The following ST7 variants were observed in gnomAD, a reference collection of about 807,000 sequenced individuals.
The protein encoded by ST7 is suppression of tumorigenicity 7.
A neutral mutation model predicts 78.7 loss-of-function variants in ST7; 28 were observed. The ratio of observed to expected loss-of-function variants is 0.36; its 90% confidence interval spans 0.26 to 0.49. The LOEUF (loss-of-function observed/expected upper bound fraction) is 0.49. Ranked by LOEUF, ST7 falls within the 20% of genes least tolerant of loss-of-function variation. The probability of loss-of-function intolerance (pLI) is 0.99; values close to 1 mark genes in which losing one functional copy is unlikely to be tolerated. For synonymous variants in ST7, 247 were observed against 249.6 expected (o/e 0.99, Z 0.10); for missense variants, 418 against 696.0 (o/e 0.60, Z 4.49).
intron 12 of ST7, among the ~76,000 whole-genome samples, chr7:117,200,615 C>G (rs191926982): frequency 6.6e-6 from 1 of 152,010 alleles, no homozygotes; most frequent in African/African-American, 2.4e-5. Flanking sequence ...CAGAGGGTAC[C>G]GAGGGGAGGA....
At chr7:116,958,748 A>G (rs1792663329) in intron 1 of ST7, 2 of 467,298 alleles carry the variant, frequency 4.3e-6, no homozygotes, top group Admixed American at 2.4e-5. Context: ...ACTATATTGT[A>G]TTATATTAAG....
intron 1 of ST7, among the ~76,000 whole-genome samples, chr7:117,030,637 A>T (rs550594610): frequency 6.6e-6 from 1 of 152,330 alleles, no homozygotes; most frequent in Admixed American, 6.5e-5. Flanking sequence ...CCACAATGAC[A>T]TACCATCTCA....
intron 1 of ST7, among the ~76,000 whole-genome samples, chr7:117,094,302 C>T (rs768136914): frequency 3.3e-5 from 5 of 152,194 alleles, no homozygotes; most frequent in Non-Finnish European, 2.9e-5. Flanking sequence ...AATGGCCTAC[C>T]GCTCTACCCC....
At chr7:116,954,068 T>C (rs1792303603) in intron 1 of ST7, 1 of 151,784 alleles carries the variant, frequency 6.6e-6, no homozygotes, top group African/African-American at 2.4e-5. Context: ...CTCCGAGGGT[T>C]CCCCGGAGTT....
At chr7:117,229,422 A>G (rs1793648512) in intron 15 of ST7, among the ~76,000 whole-genome samples, 1 of 152,222 alleles carries the variant, frequency 6.6e-6, no homozygotes, top group East Asian at 1.9e-4. Context: ...CCCACTTGCC[A>G]CCAATCTGTC....
intron 9 of ST7, among the ~76,000 whole-genome samples, chr7:117,153,181 C>T (rs1398635800): frequency 6.6e-6 from 1 of 152,150 alleles, no homozygotes; most frequent in Non-Finnish European, 1.5e-5. Context: ...GCCTGGGAAA[C>T]TGGGCAGAAA....
At chr7:117,042,979 TTTAC>T (rs1797306757) in intron 1 of ST7, among the ~76,000 whole-genome samples, 1 of 152,168 alleles carries the variant, frequency 6.6e-6, no homozygotes, top group African/African-American at 2.4e-5. Flanking sequence ...ACATAATTTT[TTTAC>T]TTGAAGTTTT....
intron 1 of ST7, among the ~76,000 whole-genome samples, chr7:117,022,664 T>C (rs569065436): frequency 5.3e-5 from 8 of 152,336 alleles, no homozygotes; most frequent in African/African-American, 1.9e-4. Context: ...TACTAAATTA[T>C]CGTAAGAAAT....
chr7:117,167,205 C>A (rs1333501805), intron 9 of ST7, among the ~76,000 whole-genome samples: 4 of 150,018 alleles, frequency 2.7e-5, no homozygotes, highest in Non-Finnish European at 5.9e-5. Flanking sequence ...ATATCACCCT[C>A]TGCTATCCCT....
intron 13 of ST7, among the ~76,000 whole-genome samples, chr7:117,210,232 G>C (rs553389610): frequency 5.3e-5 from 8 of 152,322 alleles, no homozygotes; most frequent in Non-Finnish European, 7.4e-5. Flanking sequence ...TTGGAAACTT[G>C]GACAGCCCCA....
intron 9 of ST7, among the ~76,000 whole-genome samples, chr7:117,152,479 C>T (rs1174880572): frequency 1.3e-5 from 2 of 151,924 alleles, no homozygotes; most frequent in African/African-American, 4.8e-5. Flanking sequence ...TAATCATGTC[C>T]CACTTAACAG....
intron 10 of ST7, among the ~76,000 whole-genome samples, chr7:117,178,720 T>C (rs1808523387): frequency 1.3e-5 from 2 of 152,186 alleles, no homozygotes; most frequent in Non-Finnish European, 2.9e-5. Context: ...AAAAGGATAT[T>C]AGGTCAAAAA....
intron 1 of ST7, among the ~76,000 whole-genome samples, chr7:117,069,101 C>T (rs1798787138): frequency 6.6e-6 from 1 of 152,186 alleles, no homozygotes; most frequent in African/African-American, 2.4e-5. Flanking sequence ...GCTGCTTCAG[C>T]ACAGCTAAAA....
intron 1 of ST7, among the ~76,000 whole-genome samples, chr7:117,052,373 A>G (rs962419114): frequency 6.6e-6 from 1 of 152,044 alleles, no homozygotes; most frequent in Non-Finnish European, 1.5e-5. Flanking sequence ...TTTTTTCTCT[A>G]TGCACCACCA....
At chr7:117,036,992 C>T (rs1796931951) in intron 1 of ST7, among the ~76,000 whole-genome samples, 1 of 152,198 alleles carries the variant, frequency 6.6e-6, no homozygotes, top group South Asian at 2.1e-4. Context: ...TTCTCTAACA[C>T]AAGTAAAAAG....
intron 1 of ST7, among the ~76,000 whole-genome samples, chr7:116,995,475 G>A (rs1378955336): frequency 6.6e-6 from 1 of 152,164 alleles, no homozygotes; most frequent in East Asian, 1.9e-4. Flanking sequence ...GTGATATGAT[G>A]GGCTAGAGGT....
intron 9 of ST7, among the ~76,000 whole-genome samples, chr7:117,149,025 G>C (rs1806032196): frequency 6.6e-6 from 1 of 152,178 alleles, no homozygotes; most frequent in African/African-American, 2.4e-5. Flanking sequence ...ACAATGAATT[G>C]GGTCTCCTGG....
chr7:117,097,902 A>AT (rs1801212822), intron 1 of ST7, among the ~76,000 whole-genome samples: 5 of 31,264 alleles, frequency 1.6e-4, no homozygotes, highest in African/African-American at 6.1e-4. Flanking sequence ...ATATATATAT[A>AT]TATATATTTT....
At chr7:116,993,847 A>C (rs1452347510) in intron 1 of ST7, among the ~76,000 whole-genome samples, 1 of 152,250 alleles carries the variant, frequency 6.6e-6, no homozygotes, top group Non-Finnish European at 1.5e-5. Context: ...AAATGTGGCT[A>C]AGGAATCAGT....
Sources: allele counts gnomAD v4.1 joint callset (sites outside exome capture counted in the v4.1 genomes callset), GRCh38; gene constraint gnomAD v4.1.1; transcripts MANE v1.5; gene names NCBI Gene and HGNC (gene_info 2026-07-23, HGNC 2026-07-21).